The following GRM4 variants were observed in gnomAD, a reference collection of about 807,000 sequenced individuals.
GRM4 encodes metabotropic glutamate receptor 4.
A neutral mutation model predicts 81.7 loss-of-function variants in GRM4; 28 were observed. That is an observed-to-expected ratio of 0.34 (90% CI 0.25 to 0.47). GRM4 has a LOEUF of 0.47. Among genes scored for constraint, GRM4 ranks in the 20% least tolerant of loss-of-function variants. GRM4 has a pLI of 1.00. For missense variants in GRM4, 948 were observed against 1,290.0 expected (o/e 0.73, Z 4.06); for synonymous variants, 488 against 528.8 (o/e 0.92, Z 1.06).
chr6:34,152,938 C>T lies in GRM4; in HGVS notation c.312+2141G>A, dbSNP rs188580146. ...GCTGGGGGTGGAGTAGGTGGCACAC[C>T]GGAGCCCTTGCTGCATGCCAGGTGC... On this transcript the variant is annotated intron_variant, in intron 1 of 8. Transcript: ENST00000374177. This position sits in a 1 kb window ranked among gnomAD's most constrained non-coding sequence, Gnocchi z 4.1. Among the ~76,000 whole-genome samples, 400 of 152,098 alleles carry T rather than the reference C, an allele frequency of 2.6e-3. 1 individual carries two copies. The highest frequency in any genetic ancestry group is 0.016 in the East Asian group (82 of 5,158).
intron 4 of GRM4, chr6:34,061,252 C>T (rs1485399171): frequency 6.6e-6 from 1 of 152,194 alleles, no homozygotes; most frequent in Non-Finnish European, 1.5e-5. Context: ...GGCTGTATCT[C>T]CCCTTATCCT....
intron 6 of GRM4, among the ~76,000 whole-genome samples, chr6:34,045,285 C>T (rs1320850369): frequency 1.3e-5 from 2 of 152,256 alleles, no homozygotes; most frequent in African/African-American, 4.8e-5. Context: ...GGCTCCTCAG[C>T]AGGTGACTCT....
In GRM4 at chr6:34,022,622, C is replaced by A; in HGVS notation, c.*199G>T. 1 of 602,588 alleles carries A rather than the reference C, an allele frequency of 1.7e-6. No individual in the cohort carries two copies. The highest frequency in any genetic ancestry group is 1.9e-5 in the South Asian group (1 of 51,390). The allele number at this position is 602,588 out of a possible 1,614,324, so 37.3% of individuals were successfully genotyped here. ...GTGGTAGCCTGGCACCGCCCCGGCCCCTCGTCCTCCTGTTGCTCACCCGGT... is the reference window on the plus strand; with the variant it reads ...GTGGTAGCCTGGCACCGCCCCGGCCACTCGTCCTCCTGTTGCTCACCCGGT... On this transcript the variant is annotated 3_prime_UTR_variant, in exon 11 of 11. Transcript: ENST00000538487. The surrounding 1 kb of genome is among the most constrained non-coding windows in gnomAD (Gnocchi z 5.6).
chr6:34,126,060 A>T (rs1770010234), intron 2 of GRM4, among the ~76,000 whole-genome samples: 1 of 152,170 alleles, frequency 6.6e-6, no homozygotes, highest in African/African-American at 2.4e-5. Context: ...CAGGCGAGTA[A>T]ACTGACGCTT....
intron 2 of GRM4, 58 bp downstream of exon 2, chr6:34,132,920 G>A: frequency 1.4e-6 from 2 of 1,422,386 alleles, no homozygotes; most frequent in Non-Finnish European, 1.9e-6. Context: ...ACCCTGAAGT[G>A]GGGCGGGCAG....
At chr6:34,031,964 C>G (rs1013461239) in intron 9 of GRM4, among the ~76,000 whole-genome samples, 1 of 151,266 alleles carries the variant, frequency 6.6e-6, no homozygotes, top group Non-Finnish European at 1.5e-5. Context: ...CTCTCTCTCT[C>G]TCTCTCACAC....
At position 34,133,596 on chromosome 6, in the gene GRM4, C is replaced by A; in HGVS notation, c.-100G>T. On this transcript the variant is annotated 5_prime_UTR_variant, in exon 2 of 11. Coordinates refer to ENST00000538487, the MANE Select transcript of GRM4 (RefSeq NM_000841.4). The surrounding 1 kb of genome is among the most constrained non-coding windows in gnomAD (Gnocchi z 6.5). ...GTGGGCATGGGCAGGGCAGCTTCAG[C>A]AGCAGGGGGACTGAGGGCAGCCAAC... 1 of 1,478,336 alleles carries A rather than the reference C, an allele frequency of 6.8e-7. No individual in the cohort carries two copies. Among genetic ancestry groups the A allele is most frequent in the Non-Finnish European group, 8.9e-7 (1 of 1,122,844 alleles). The allele number at this position is 1,478,336 out of a possible 1,614,324, so 91.6% of individuals were successfully genotyped here.
intron 8 of GRM4, among the ~76,000 whole-genome samples, chr6:34,037,949 G>A (rs1285965164): frequency 1.3e-5 from 2 of 152,166 alleles, no homozygotes; most frequent in East Asian, 3.8e-4. Context: ...AAACCTCAAG[G>A]TAGAAGGTTG....
chr6:34,117,805 C>T (rs1481279840), intron 2 of GRM4, among the ~76,000 whole-genome samples: 1 of 152,214 alleles, frequency 6.6e-6, no homozygotes, highest in Non-Finnish European at 1.5e-5. Flanking sequence ...CCACCCAGCA[C>T]CCAAGGCTGC....
chr6:34,079,543 G>A (rs1181029387), intron 3 of GRM4, among the ~76,000 whole-genome samples: 2 of 136,554 alleles, frequency 1.5e-5, no homozygotes, highest in Non-Finnish European at 3.0e-5. Flanking sequence ...AAAGAAACTG[G>A]TAACAAAACC....
At chr6:34,054,387 C>T (rs1361120293) in intron 6 of GRM4, 1 of 151,898 alleles carries the variant, frequency 6.6e-6, no homozygotes, top group Non-Finnish European at 1.5e-5. Flanking sequence ...GTCTTGAACT[C>T]CTGACCTCAG....
At chr6:34,122,785 G>A (rs978470361) in intron 2 of GRM4, among the ~76,000 whole-genome samples, 1 of 151,274 alleles carries the variant, frequency 6.6e-6, no homozygotes, top group South Asian at 2.1e-4. Flanking sequence ...TGGAAGTAGG[G>A]GGGGAAGACC....
chr6:34,104,829 A>G (rs1769038356), intron 2 of GRM4, among the ~76,000 whole-genome samples: 1 of 152,184 alleles, frequency 6.6e-6, no homozygotes, highest in Non-Finnish European at 1.5e-5. Context: ...CTGACGGGTA[A>G]GGACAGGGAG....
chr6:34,119,485 G>T (rs1376038245), intron 2 of GRM4, among the ~76,000 whole-genome samples: 1 of 152,226 alleles, frequency 6.6e-6, no homozygotes, highest in African/African-American at 2.4e-5. Flanking sequence ...CTCCTTCTGG[G>T]CATGTCCTGC....
intron 2 of GRM4, among the ~76,000 whole-genome samples, chr6:34,101,022 G>A (rs555973251): frequency 2.0e-5 from 3 of 152,342 alleles, no homozygotes; most frequent in South Asian, 2.1e-4. Context: ...CACCTATGCT[G>A]ACAGACACAG....
At chr6:34,027,954 G>A (rs1048800741) in intron 10 of GRM4, among the ~76,000 whole-genome samples, 166 bp downstream of exon 10, 1 of 152,202 alleles carries the variant, frequency 6.6e-6, no homozygotes, top group Non-Finnish European at 1.5e-5. Flanking sequence ...TCCCTGAGAG[G>A]CTGGCTCCCA....
chr6:34,049,473 A>G lies in GRM4; in HGVS notation c.1168+7071T>C, dbSNP rs115951375. On this transcript the variant is annotated intron_variant, in intron 6 of 10. Coordinates refer to ENST00000538487, the MANE Select transcript of GRM4 (RefSeq NM_000841.4). ...TGGGACCTCTTCTCTAGCCACACACACTCCTTGGTGCTCCCAGCCAGCCCC... is the reference window on the plus strand; with the variant it reads ...TGGGACCTCTTCTCTAGCCACACACGCTCCTTGGTGCTCCCAGCCAGCCCC... Among the ~76,000 whole-genome samples the G allele has an allele frequency of 4.0e-3, 588 of 148,260 alleles. 3 individuals are homozygous for G. Among genetic ancestry groups the G allele is most frequent in the African/African-American group, 9.3e-3 (375 of 40,152 alleles).
intron 6 of GRM4, among the ~76,000 whole-genome samples, chr6:34,049,197 T>C (rs1765494405): frequency 6.6e-6 from 1 of 152,012 alleles, no homozygotes; most frequent in African/African-American, 2.4e-5. Context: ...CACCCACCTC[T>C]CTAAGGAGAC....
At chr6:34,039,837 C>T (rs2127446004) in intron 8 of GRM4, among the ~76,000 whole-genome samples, 1 of 145,328 alleles carries the variant, frequency 6.9e-6, no homozygotes, top group African/African-American at 2.5e-5. Context: ...CCCCCACTTG[C>T]CCACCCAAAA....
Sources: gnomAD v4.1 joint callset for allele counts (sites outside exome capture counted in the v4.1 genomes callset) on GRCh38, gnomAD v4.1.1 for gene constraint, Gnocchi (gnomAD v3.1) non-coding constraint, MANE v1.5 for transcripts, NCBI Gene and HGNC (gene_info 2026-07-23, HGNC 2026-07-21) for gene names.